Variants in GRM1 observed in about 807,000 individuals in gnomAD.
The protein encoded by GRM1 is metabotropic glutamate receptor 1.
A neutral mutation model predicts 90.9 loss-of-function variants in GRM1; 33 were observed. That is an observed-to-expected ratio of 0.36 (90% CI 0.28 to 0.49). The LOEUF (loss-of-function observed/expected upper bound fraction) is 0.49, where lower values mean the gene tolerates loss of function less well. GRM1 is among the 20% of genes least tolerant of loss of function. The pLI is 0.99. For synonymous variants in GRM1, 700 were observed against 613.2 expected (o/e 1.14, Z -2.09); for missense variants, 1,190 against 1,534.3 (o/e 0.78, Z 3.75).
intron 7 of GRM1, among the ~76,000 whole-genome samples, chr6:146,409,562 T>C (rs955531886): frequency 2.6e-5 from 4 of 152,192 alleles, no homozygotes; most frequent in African/African-American, 9.7e-5. Flanking sequence ...GTTTTTGTTT[T>C]GTTTTGTTTT....
chr6:146,087,334 A>G (rs1776579733), intron 1 of GRM1, among the ~76,000 whole-genome samples: 1 of 152,118 alleles, frequency 6.6e-6, no homozygotes, highest in African/African-American at 2.4e-5. Context: ...CCCCAGTGAT[A>G]AATACTATCT....
chr6:146,246,278 T>A (rs1010137878), intron 2 of GRM1, among the ~76,000 whole-genome samples: 1 of 152,126 alleles, frequency 6.6e-6, no homozygotes, highest in African/African-American at 2.4e-5. Context: ...TTGACCAGAG[T>A]ACTTTGCTGT....
In GRM1 at chr6:146,414,123, C is replaced by T. The variant is rs1777672506; in HGVS notation, c.2660+14424C>T. ...GCATGTTTAACTTATAAGAAATTGCCAAACAAATTTACACAATACTTTTGT... is the reference window on the plus strand; with the variant it reads ...GCATGTTTAACTTATAAGAAATTGCTAAACAAATTTACACAATACTTTTGT... On this transcript the variant is annotated intron_variant, in intron 7 of 7. Coordinates refer to ENST00000282753, the MANE Select transcript of GRM1 (RefSeq NM_001278064.2). Among the ~76,000 whole-genome samples the T allele has an allele frequency of 2.6e-5, 4 of 152,046 alleles. No individual in the cohort carries two copies. The South Asian group carries it at 8.3e-4, about 32-fold the overall frequency.
intron 2 of GRM1, among the ~76,000 whole-genome samples, chr6:146,229,923 C>G (rs9485057): frequency 2.0e-5 from 3 of 151,968 alleles, no homozygotes; most frequent in African/African-American, 7.3e-5. Flanking sequence ...TGAACCCAGG[C>G]TGACTTGCTC....
At chr6:146,217,161 AG>A (rs1418334109) in intron 2 of GRM1, among the ~76,000 whole-genome samples, 1 of 152,216 alleles carries the variant, frequency 6.6e-6, no homozygotes, top group African/African-American at 2.4e-5. Context: ...AGTGCAAATG[AG>A]CCATAGGTCA....
intron 1 of GRM1, among the ~76,000 whole-genome samples, chr6:146,122,839 C>CTTTTTTTTTTTTTTTTTTTTTTTTTTTTT (rs57859188): frequency 1.3e-4 from 8 of 62,202 alleles, no homozygotes; most frequent in African/African-American, 2.0e-4. Context: ...TCTTTTCTTT[C>CTTTTTTTTTTTTTTTTTTTTTTTTTTTTT]TTTTTTTTTT....
chr6:146,108,767 G>T (rs1391334824), intron 1 of GRM1, among the ~76,000 whole-genome samples: 1 of 152,184 alleles, frequency 6.6e-6, no homozygotes, highest in African/African-American at 2.4e-5. Context: ...CTAGAGACTT[G>T]CTGGATGGCT....
chr6:146,269,688 G>GT (rs1237490641), intron 2 of GRM1, among the ~76,000 whole-genome samples: 2 of 152,148 alleles, frequency 1.3e-5, no homozygotes, highest in Non-Finnish European at 2.9e-5. Context: ...AAACCCTGTT[G>GT]TAAACTTCAT....
intron 2 of GRM1, among the ~76,000 whole-genome samples, chr6:146,206,242 G>A (rs966906990): frequency 2.6e-5 from 4 of 152,116 alleles, no homozygotes; most frequent in African/African-American, 9.7e-5. Flanking sequence ...GGCTTGTGGG[G>A]GAAGAGAATG....
intron 7 of GRM1, among the ~76,000 whole-genome samples, chr6:146,402,989 T>C (rs1223732592): frequency 6.6e-6 from 1 of 152,122 alleles, no homozygotes; most frequent in Non-Finnish European, 1.5e-5. Context: ...CAGCTGAAGT[T>C]ACCTTTGACA....
At chr6:146,031,908 A>T (rs1319066777) in intron 1 of GRM1, among the ~76,000 whole-genome samples, 1 of 152,098 alleles carries the variant, frequency 6.6e-6, no homozygotes, top group East Asian at 1.9e-4. Context: ...TATTTCCCCC[A>T]TTGAGCTAGA....
intron 2 of GRM1, among the ~76,000 whole-genome samples, chr6:146,200,898 TC>T (rs1196983645): frequency 6.6e-6 from 1 of 152,210 alleles, no homozygotes; most frequent in African/African-American, 2.4e-5. Context: ...GTCAAAATTG[TC>T]CATTAGAAGC....
intron 2 of GRM1, among the ~76,000 whole-genome samples, chr6:146,301,454 C>A (rs17075876): frequency 0.011 from 1,728 of 152,302 alleles, 73 homozygotes; most frequent in East Asian, 0.079. Flanking sequence ...CCTTTACAAA[C>A]TAAGCTGTCA....
chr6:146,424,631 G>T (rs1401581912), intron 7 of GRM1, among the ~76,000 whole-genome samples: 1 of 152,220 alleles, frequency 6.6e-6, no homozygotes, highest in African/African-American at 2.4e-5. Flanking sequence ...CTCTTCGGAG[G>T]TAGAGATTGT....
chr6:146,230,615 C>T (rs1350895753), intron 2 of GRM1, among the ~76,000 whole-genome samples: 4 of 152,022 alleles, frequency 2.6e-5, no homozygotes, highest in Non-Finnish European at 5.9e-5. Context: ...CAGTTTTTTA[C>T]AAAACTAAAC....
chr6:146,361,072 A>G (rs1361027715), intron 5 of GRM1, among the ~76,000 whole-genome samples: 2 of 152,174 alleles, frequency 1.3e-5, no homozygotes, highest in Non-Finnish European at 2.9e-5. Flanking sequence ...ACAGGCAGCT[A>G]CTGAGGAAGC....
At chr6:146,130,080 T>C (rs1336946522) in intron 1 of GRM1, among the ~76,000 whole-genome samples, 1 of 152,072 alleles carries the variant, frequency 6.6e-6, no homozygotes, top group Admixed American at 6.6e-5. Context: ...ATATTTAAGA[T>C]GATTAGTGTA....
At chr6:146,113,439 C>T (rs1775634285) in intron 1 of GRM1, among the ~76,000 whole-genome samples, 1 of 152,164 alleles carries the variant, frequency 6.6e-6, no homozygotes, top group South Asian at 2.1e-4. Context: ...ACTAACAAGG[C>T]CTTATCTTAT....
chr6:146,123,405 G>T (rs150092839), intron 1 of GRM1, among the ~76,000 whole-genome samples: 1 of 152,114 alleles, frequency 6.6e-6, no homozygotes, highest in South Asian at 2.1e-4. Flanking sequence ...CTTCTTCTAG[G>T]TTACCCAGAG....
Sources: gnomAD v4.1 joint callset for allele counts (sites outside exome capture counted in the v4.1 genomes callset) on GRCh38, gnomAD v4.1.1 for gene constraint, MANE v1.5 for transcripts, NCBI Gene and HGNC (gene_info 2026-07-23, HGNC 2026-07-21) for gene names.